PARPBP: variants seen among roughly 807,000 people sequenced by gnomAD.
PARPBP encodes the protein PARP1 binding protein, also known as PCNA-interacting partner.
PARPBP carries 52 observed loss-of-function variants against 50.0 expected under a neutral mutation model. That is an observed-to-expected ratio of 1.04 (90% CI 0.83 to 1.31). The LOEUF (loss-of-function observed/expected upper bound fraction) is 1.31. Among genes scored for constraint, PARPBP ranks in the 50% most tolerant of loss-of-function variants. The pLI, the probability that PARPBP is intolerant of heterozygous loss-of-function variation, is 0.00. For synonymous variants in PARPBP, 244 were observed against 232.1 expected, an observed-to-expected ratio of 1.05 and a Z score of -0.47; for missense variants, 697 against 672.0, an observed-to-expected ratio of 1.04 and a Z score of -0.41.
intron 1 of PARPBP, 118 bp from the exon 2 acceptor site, chr12:102,123,768 A>T (rs1881521100): frequency 1.9e-6 from 1 of 537,092 alleles, no homozygotes; most frequent in South Asian, 3.5e-5. Flanking sequence ...CTTGGTAAAT[A>T]TGAAATGACC....
Position 102,175,473 on chromosome 12 carries a change from C to A in PARPBP, c.822-10C>A, listed in dbSNP as rs1471061205. 6.2e-7 allele frequency: 1 copy of A among 1,600,514 alleles called. No homozygotes were observed. The highest frequency in any genetic ancestry group is 8.5e-7 in the Non-Finnish European group (1 of 1,170,022). On this transcript the variant is annotated splice_polypyrimidine_tract_variant and intron_variant, in intron 6 of 10. Coordinates refer to ENST00000327680, the MANE Select transcript of PARPBP (RefSeq NM_017915.5). Reference sequence around the variant, plus strand: ...TACTGCTATAGAGGCAATCTAATTTCTATTTTCAGCATTGCAGGGGGTCAA... The same window carrying A: ...TACTGCTATAGAGGCAATCTAATTTATATTTTCAGCATTGCAGGGGGTCAA...
chr12:102,168,015 C>CT (rs1291530886), intron 6 of PARPBP, among the ~76,000 whole-genome samples: 1 of 152,120 alleles, frequency 6.6e-6, no homozygotes, highest in Non-Finnish European at 1.5e-5. Flanking sequence ...TTAGCAGTTA[C>CT]TTAGGTTTTA....
chr12:102,175,125 T>C (rs1889132949), intron 6 of PARPBP, among the ~76,000 whole-genome samples: 1 of 152,188 alleles, frequency 6.6e-6, no homozygotes, highest in East Asian at 1.9e-4. Context: ...AGTCTAGATA[T>C]TCAATGAGAG....
At chr12:102,188,276 T>C (rs557193228) in intron 9 of PARPBP, among the ~76,000 whole-genome samples, 2 of 152,050 alleles carry the variant, frequency 1.3e-5, no homozygotes, top group South Asian at 2.1e-4. Flanking sequence ...TTTTTTTTTT[T>C]CAAGATATTT....
At chr12:102,180,941 T>TA (rs1889764279) in intron 8 of PARPBP, among the ~76,000 whole-genome samples, 1 of 152,170 alleles carries the variant, frequency 6.6e-6, no homozygotes, top group African/African-American at 2.4e-5. Flanking sequence ...TATTCTTGCT[T>TA]AGTAGTCATT....
chr12:102,140,138 T>C (rs1884337796), intron 2 of PARPBP, among the ~76,000 whole-genome samples: 1 of 152,224 alleles, frequency 6.6e-6, no homozygotes, highest in South Asian at 2.1e-4. Context: ...TGGTAGGCTA[T>C]TAATTATTGC....
At chr12:102,152,040 A>T in intron 3 of PARPBP, 1 of 465,814 alleles carries the variant, frequency 2.1e-6, no homozygotes, top group Non-Finnish European at 3.8e-6. Context: ...TTTATCAAAA[A>T]GTTTTCTTTT....
intron 2 of PARPBP, among the ~76,000 whole-genome samples, chr12:102,144,787 A>G (rs1885136162): frequency 6.6e-6 from 1 of 152,190 alleles, no homozygotes; most frequent in African/African-American, 2.4e-5. Flanking sequence ...TTTACATAGC[A>G]TTTGGAAATT....
intron 9 of PARPBP, among the ~76,000 whole-genome samples, chr12:102,183,904 GTC>G (rs1038726718): frequency 2.6e-5 from 4 of 151,784 alleles, no homozygotes; most frequent in African/African-American, 9.7e-5. Context: ...GTGAAACCCT[GTC>G]TCTACTGAAA....
intron 3 of PARPBP, among the ~76,000 whole-genome samples, chr12:102,153,023 ATTTGTT>A (rs763397207): frequency 1.3e-5 from 2 of 152,064 alleles, no homozygotes; most frequent in Non-Finnish European, 2.9e-5. Flanking sequence ...ATATAAATAT[ATTTGTT>A]ATAAGACGTA....
chr12:102,131,306 T>C (rs1479752189), intron 2 of PARPBP, among the ~76,000 whole-genome samples: 1 of 152,142 alleles, frequency 6.6e-6, no homozygotes, highest in Non-Finnish European at 1.5e-5. Context: ...GCCTGTGTGA[T>C]GGAGCGAGAC....
intron 2 of PARPBP, among the ~76,000 whole-genome samples, chr12:102,138,169 G>T (rs1275429615): frequency 6.6e-6 from 1 of 152,100 alleles, no homozygotes; most frequent in African/African-American, 2.4e-5. Flanking sequence ...AGCACCTTTT[G>T]TTTCCTGACT....
chr12:102,196,013 G>T lies in PARPBP; in HGVS notation c.1462G>T (p.Asp488Tyr). The change falls in exon 11 of 11, where the codon GAC becomes TAC. Residue 488 changes from aspartate to tyrosine, a missense_variant. By Grantham distance (160) the Asp-to-Tyr change is radical. Coordinates refer to ENST00000327680, the MANE Select transcript of PARPBP (RefSeq NM_017915.5). ...AACGAGTTTTGGAAATGTTCATCTGGACAGAAGTAAAAATGAAAAAGTATC... is the reference window on the plus strand; with the variant it reads ...AACGAGTTTTGGAAATGTTCATCTGTACAGAAGTAAAAATGAAAAAGTATC... ...IGTSFGNVHLDRSKNEKVSRK... is the reference protein window; with the variant it reads ...IGTSFGNVHLYRSKNEKVSRK... The T allele has an allele frequency of 6.2e-7, 1 of 1,610,970 alleles. No individual in the cohort carries two copies. Among genetic ancestry groups the T allele is most frequent in the South Asian group, 1.1e-5 (1 of 90,812 alleles).
chr12:102,189,201 A>T (rs577726509), intron 9 of PARPBP, among the ~76,000 whole-genome samples: 1 of 152,234 alleles, frequency 6.6e-6, no homozygotes, highest in Non-Finnish European at 1.5e-5. Context: ...GGACAAATGC[A>T]GGGTTTCCTT....
In PARPBP at chr12:102,148,871, A is replaced by T. The variant is rs191052300; in HGVS notation, c.387+408A>T. The T allele has an allele frequency of 1.6e-3, 254 of 158,588 alleles. 2 individuals are homozygous for T. The highest frequency in any genetic ancestry group is 5.9e-3 in the African/African-American group (245 of 41,816). The allele number at this position is 158,588 out of a possible 1,614,324, so 9.8% of individuals were successfully genotyped here. On this transcript the variant is annotated intron_variant, in intron 3 of 10. Coordinates refer to ENST00000327680, the MANE Select transcript of PARPBP (RefSeq NM_017915.5). ...TTCTATGGATTAATAATGTTATTTT[A>T]CTACATATAGGTATCATTTATTTTA...
chr12:102,151,677 G>T, intron 3 of PARPBP: 1 of 1,535,676 alleles, frequency 6.5e-7, no homozygotes, highest in Non-Finnish European at 8.7e-7. Context: ...TGACTCTGGA[G>T]CGGCAGAAGG....
chr12:102,196,010 C>T lies in PARPBP; in HGVS notation c.1459C>T (p.Leu487=). 1 of 1,610,004 alleles carries T rather than the reference C, an allele frequency of 6.2e-7. No homozygotes were observed. The highest frequency in any genetic ancestry group is 8.5e-7 in the Non-Finnish European group (1 of 1,178,046). Residue 487 remains leucine, a synonymous_variant, in exon 11 of 11, where the codon CTG becomes TTG. Transcript: ENST00000327680. ...TIGTSFGNVH[L]DRSKNEKVSR... is the part of the protein sequence containing the mutation. ...TGGAACGAGTTTTGGAAATGTTCATCTGGACAGAAGTAAAAATGAAAAAGT... is the reference window on the plus strand; with the variant it reads ...TGGAACGAGTTTTGGAAATGTTCATTTGGACAGAAGTAAAAATGAAAAAGT...
Position 102,197,022 on chromosome 12 carries a change from C to T in PARPBP, c.*731C>T. ...GAAATTTAGCTGAGTTTTCTTCATC[C>T]CCAATTTCTCTCTTTTCTTGTGTTG... On this transcript the variant is annotated 3_prime_UTR_variant, in exon 11 of 11. Coordinates refer to ENST00000327680, the MANE Select transcript of PARPBP (RefSeq NM_017915.5). 1.2e-6 allele frequency: 2 copies of T among 1,611,914 alleles called. No individual in the cohort carries two copies. Among genetic ancestry groups the T allele is most frequent in the African/African-American group, 1.3e-5 (1 of 74,898 alleles).
intron 8 of PARPBP, among the ~76,000 whole-genome samples, chr12:102,179,976 ACT>A (rs1207562316): frequency 1.3e-5 from 2 of 151,926 alleles, no homozygotes; most frequent in African/African-American, 4.8e-5. Flanking sequence ...TGCTTCACAT[ACT>A]CTCTCCTATG....
Sources: gnomAD v4.1 joint callset for allele counts (sites outside exome capture counted in the v4.1 genomes callset) on GRCh38, gnomAD v4.1.1 for gene constraint, MANE v1.5 for transcripts, NCBI Gene and HGNC (gene_info 2026-07-23, HGNC 2026-07-21) for gene names.